Variants in EDA observed in about 807,000 individuals in gnomAD.
EDA encodes the protein ectodysplasin A, also known as ectodysplasin-A.
Under a neutral mutation model 23.6 loss-of-function variants are expected in EDA, and 2 were observed. The ratio of observed to expected loss-of-function variants is 0.08; its 90% CI spans 0.03 to 0.27. The LOEUF is 0.27. Ranked by LOEUF, EDA falls within the 10% of genes least tolerant of loss-of-function variation. The pLI is 1.00. For synonymous variants in EDA, 131 were observed against 132.0 expected, an observed-to-expected ratio of 0.99 and a Z score of 0.05; for missense variants, 229 against 324.2, an observed-to-expected ratio of 0.71 and a Z score of 2.26.
intron 1 of EDA, among the ~76,000 whole-genome samples, chrX:69,663,892 G>T (rs766166252): frequency 8.9e-6 from 1 of 112,285 alleles, no homozygotes; most frequent in Admixed American, 9.4e-5. Flanking sequence ...TAACTGCCCT[G>T]CTAGATTTTG....
At chrX:70,011,690 G>A (rs1044495100) in intron 2 of EDA, among the ~76,000 whole-genome samples, 1 of 111,312 alleles carries the variant, frequency 9.0e-6, no homozygotes, top group East Asian at 2.8e-4. Context: ...TGCCCTCACC[G>A]AAGAACTTCT....
chrX:69,871,945 A>G (rs188280329), intron 1 of EDA, among the ~76,000 whole-genome samples: 1 of 112,093 alleles, frequency 8.9e-6, no homozygotes, highest in Non-Finnish European at 1.9e-5. Flanking sequence ...GTACATAGTC[A>G]TCAGGTTATC....
intron 1 of EDA, among the ~76,000 whole-genome samples, chrX:69,635,788 C>T (rs1035644927): frequency 9.1e-6 from 1 of 109,588 alleles, no homozygotes; most frequent in African/African-American, 3.3e-5. Flanking sequence ...AGGCTGGACT[C>T]GAACTCCTGA....
intron 2 of EDA, among the ~76,000 whole-genome samples, chrX:69,970,891 T>C (rs1434539788): frequency 8.9e-6 from 1 of 111,929 alleles, no homozygotes; most frequent in Non-Finnish European, 1.9e-5. Context: ...GAGGACTATA[T>C]AGCATTGTAA....
chrX:69,947,426 T>C (rs1417843370), intron 1 of EDA, among the ~76,000 whole-genome samples: 3 of 112,467 alleles, frequency 2.7e-5, no homozygotes, highest in African/African-American at 9.7e-5. Context: ...AAATTCCATA[T>C]TGTTGCATTC....
At chrX:69,786,032 G>T (rs868518434) in intron 1 of EDA, among the ~76,000 whole-genome samples, 1 of 109,324 alleles carries the variant, frequency 9.1e-6, no homozygotes, top group Non-Finnish European at 1.9e-5. Context: ...GAGAGTGTAT[G>T]TGTCGAGGAA....
chrX:69,712,305 T>C (rs2012090902), intron 1 of EDA, among the ~76,000 whole-genome samples: 1 of 112,022 alleles, frequency 8.9e-6, no homozygotes, highest in African/African-American at 3.2e-5. Context: ...TCTTTAATTT[T>C]GGTTTCCACA....
At chrX:69,922,135 C>T (rs1349021753) in intron 1 of EDA, among the ~76,000 whole-genome samples, 1 of 112,354 alleles carries the variant, frequency 8.9e-6, no homozygotes, top group Non-Finnish European at 1.9e-5. Flanking sequence ...AGCTTGATAG[C>T]TCATTCCTGT....
chrX:69,855,371 C>T (rs748191232), intron 1 of EDA, among the ~76,000 whole-genome samples: 18 of 111,601 alleles, frequency 1.6e-4, no homozygotes, highest in Non-Finnish European at 1.9e-5. Context: ...AAGATTTCTT[C>T]GTTGTGAAAT....
intron 1 of EDA, among the ~76,000 whole-genome samples, chrX:69,654,303 G>A: frequency 9.0e-6 from 1 of 111,672 alleles, no homozygotes; most frequent in East Asian, 2.8e-4. Context: ...AACAACAGGT[G>A]CTGGAGAGGA....
chrX:69,802,119 G>A (rs1382675855), intron 1 of EDA, among the ~76,000 whole-genome samples: 1 of 110,219 alleles, frequency 9.1e-6, no homozygotes, highest in African/African-American at 3.3e-5. Context: ...ATCCCCACGA[G>A]CAAGGGAATA....
At chrX:69,670,183 G>GTCTTTTTTTTTTT (rs1933833782) in intron 1 of EDA, 1 of 169,048 alleles carries the variant, frequency 5.9e-6, no homozygotes, top group Non-Finnish European at 1.0e-5. Flanking sequence ...TTGGCTGACT[G>GTCTTTTTTTTTTT]TTTTTTTTTT....
chrX:69,846,774 T>C (rs1381837812), intron 1 of EDA, among the ~76,000 whole-genome samples: 1 of 111,700 alleles, frequency 9.0e-6, no homozygotes, highest in Non-Finnish European at 1.9e-5. Flanking sequence ...TGGAGGAACC[T>C]GGCACCTGGG....
chrX:69,692,154 C>T (rs189168779), intron 1 of EDA, among the ~76,000 whole-genome samples: 1 of 111,725 alleles, frequency 9.0e-6, no homozygotes, highest in African/African-American at 3.2e-5. Flanking sequence ...TATGGTACCT[C>T]ACTTCACATG....
At chrX:69,651,032 C>T (rs1933088702) in intron 1 of EDA, among the ~76,000 whole-genome samples, 1 of 111,452 alleles carries the variant, frequency 9.0e-6, no homozygotes, top group African/African-American at 3.3e-5. Context: ...TCCATGGCTT[C>T]TTCACCAAAG....
intron 1 of EDA, among the ~76,000 whole-genome samples, chrX:69,748,831 G>A (rs757099347): frequency 8.9e-6 from 1 of 111,777 alleles, no homozygotes; most frequent in East Asian, 2.8e-4. Context: ...TATTTATAAA[G>A]TGCTTAAAAC....
intron 6 of EDA, 150 bp from the exon 7 acceptor site, chrX:70,033,248 G>A (rs1228607438): frequency 1.4e-6 from 1 of 737,239 alleles, no homozygotes; most frequent in East Asian, 3.2e-5. Context: ...CAGCTTCTCT[G>A]CTTTCAAATG....
chrX:69,784,693 A>G (rs2147454537), intron 1 of EDA, among the ~76,000 whole-genome samples: 1 of 105,692 alleles, frequency 9.5e-6, no homozygotes, highest in South Asian at 4.4e-4. Flanking sequence ...TGGTTACTGT[A>G]GCCTTGTAGT....
chrX:69,890,105 G>A (rs992997107), intron 1 of EDA, among the ~76,000 whole-genome samples: 1 of 110,951 alleles, frequency 9.0e-6, no homozygotes, highest in Non-Finnish European at 1.9e-5. Context: ...TGAGTACATG[G>A]TGAATGAACT....
Sources: gnomAD v4.1 joint callset for allele counts (sites outside exome capture counted in the v4.1 genomes callset) on GRCh38, gnomAD v4.1.1 for gene constraint, MANE v1.5 for transcripts, NCBI Gene and HGNC (gene_info 2026-07-23, HGNC 2026-07-21) for gene names.